Variants in TRPS1 observed in about 807,000 individuals in gnomAD.
The protein encoded by TRPS1 is transcriptional repressor GATA binding 1, also known as zinc finger transcription factor Trps1.
In TRPS1, 6 loss-of-function variants were observed where a neutral mutation model predicts 101.2. The ratio of observed to expected loss-of-function variants is 0.06; its 90% CI spans 0.03 to 0.12. TRPS1 has a LOEUF of 0.12. Among genes scored for constraint, TRPS1 ranks in the 10% least tolerant of loss-of-function variants. The pLI is 1.00. For missense variants in TRPS1, 1,363 were observed against 1,567.0 expected, an observed-to-expected ratio of 0.87 and a Z score of 2.20; for synonymous variants, 578 against 589.8, an observed-to-expected ratio of 0.98 and a Z score of 0.29.
chr8:115,432,892 CT>C (rs1371509514), intron 5 of TRPS1, among the ~76,000 whole-genome samples: 144 of 146,236 alleles, frequency 9.8e-4, no homozygotes, highest in Non-Finnish European at 1.5e-3. Context: ...TTGAACTTGA[CT>C]TTTTTTTTTT....
chr8:115,533,438 T>TTTTTTTTTTTTG (rs1816191039), intron 5 of TRPS1, among the ~76,000 whole-genome samples: 1 of 118,418 alleles, frequency 8.4e-6, no homozygotes, highest in Admixed American at 8.2e-5. Context: ...TGTAATCTGT[T>TTTTTTTTTTTTG]TTTTTTTTTT....
intron 5 of TRPS1, among the ~76,000 whole-genome samples, chr8:115,527,793 T>C (rs907406157): frequency 6.6e-6 from 1 of 152,098 alleles, no homozygotes; most frequent in African/African-American, 2.4e-5. Flanking sequence ...ATTCTGGTAT[T>C]ACACTTCAGC....
At chr8:115,587,918 A>C (rs1473667316) in intron 4 of TRPS1, among the ~76,000 whole-genome samples, 1 of 152,336 alleles carries the variant, frequency 6.6e-6, no homozygotes, top group African/African-American at 2.4e-5. Context: ...GGTGATTAGC[A>C]TTAAAACTGG....
intron 5 of TRPS1, among the ~76,000 whole-genome samples, chr8:115,563,609 T>C (rs768726956): frequency 3.3e-5 from 5 of 152,070 alleles, no homozygotes; most frequent in Admixed American, 6.6e-5. Flanking sequence ...ATATGGAAAA[T>C]CTATGACTTC....
rs770273588 is a variant in TRPS1 at position 115,582,309 on chromosome 8, T to C, written c.2700+4692A>G. ...TCTTCTGTCAGTGGTTGTAAAGGCA[T>C]TCAACATTGTCACTTGTTTAAACGT... On this transcript the variant is annotated intron_variant, in intron 5 of 6. Transcript: ENST00000395715. Among the ~76,000 whole-genome samples the C allele has an allele frequency of 4.2e-4, 64 of 152,268 alleles. 1 individual carries two copies. Among genetic ancestry groups the C allele is most frequent in the Non-Finnish European group, 6.5e-4 (44 of 68,020 alleles).
intron 1 of TRPS1, among the ~76,000 whole-genome samples, chr8:115,626,471 T>C (rs1205868343): frequency 6.6e-6 from 1 of 151,746 alleles, no homozygotes; most frequent in African/African-American, 2.4e-5. Context: ...GGTAGATCGC[T>C]TTTTTTATAA....
chr8:115,436,206 C>A (rs1473918025), intron 5 of TRPS1, among the ~76,000 whole-genome samples: 1 of 152,138 alleles, frequency 6.6e-6, no homozygotes. Flanking sequence ...AACTGAAAAT[C>A]TGGGAAAAAC....
chr8:115,668,486 G>GC (rs978130306), intron 1 of TRPS1, 59 bp downstream of exon 1: 1 of 144,258 alleles, frequency 6.9e-6, no homozygotes, highest in African/African-American at 2.5e-5. Context: ...GGGCGCCCGC[G>GC]CCCCCCGCGC....
At position 115,604,450 on chromosome 8, in the gene TRPS1, T is replaced by A; in HGVS notation, c.1519A>T (p.Thr507Ser). The A allele has an allele frequency of 6.2e-7, 1 of 1,614,064 alleles. No homozygotes were observed. ...NDLAKSSEGE[T>S]MTKTDKSSSG... ...GAGCTCTTGTCTGTCTTGGTCATTGTCTCTCCTTCTGAACTTTTGGCTAGA... is the reference window on the plus strand; with the variant it reads ...GAGCTCTTGTCTGTCTTGGTCATTGACTCTCCTTCTGAACTTTTGGCTAGA... The change falls in exon 4 of 7, where the codon ACA (threonine) becomes TCA (serine). Residue 507 changes from threonine to serine, a missense_variant. This residue lies in a region of TRPS1 where 1,020 missense variants were observed against 1,073.0 expected (regional missense o/e 0.95). Coordinates refer to ENST00000395715, the MANE Select transcript of TRPS1 (RefSeq NM_014112.5). The surrounding 1 kb of genome is among the most constrained non-coding windows in gnomAD (Gnocchi z 4.1).
At chr8:115,514,964 G>C (rs529778619) in intron 5 of TRPS1, among the ~76,000 whole-genome samples, 2 of 151,584 alleles carry the variant, frequency 1.3e-5, no homozygotes, top group East Asian at 3.9e-4. Flanking sequence ...TGTTTTTCCA[G>C]TATGACAAAG....
At chr8:115,466,428 G>A (rs1814320808) in intron 5 of TRPS1, among the ~76,000 whole-genome samples, 1 of 152,156 alleles carries the variant, frequency 6.6e-6, no homozygotes, top group Admixed American at 6.6e-5. Context: ...TTCCCTAAAT[G>A]TAGAGAGAGC....
At chr8:115,636,902 ACT>A (rs1222478201) in intron 1 of TRPS1, among the ~76,000 whole-genome samples, 8 of 149,560 alleles carry the variant, frequency 5.3e-5, no homozygotes, top group Non-Finnish European at 8.8e-5. Flanking sequence ...ACAGAGTGAG[ACT>A]CTATCTAAAA....
intron 5 of TRPS1, among the ~76,000 whole-genome samples, chr8:115,452,430 A>G (rs563637993): frequency 1.2e-4 from 19 of 152,208 alleles, no homozygotes; most frequent in Non-Finnish European, 1.5e-5. Flanking sequence ...AACAAAAAAA[A>G]ATATATTATG....
chr8:115,570,373 C>A (rs965663095), intron 5 of TRPS1, among the ~76,000 whole-genome samples: 4 of 151,972 alleles, frequency 2.6e-5, no homozygotes, highest in Non-Finnish European at 5.9e-5. Context: ...ACGGCAGTCT[C>A]ATACAGCAAA....
chr8:115,618,344 C>A (rs770325600), intron 3 of TRPS1, among the ~76,000 whole-genome samples: 1 of 152,110 alleles, frequency 6.6e-6, no homozygotes, highest in Non-Finnish European at 1.5e-5. Flanking sequence ...AGACTCAGTT[C>A]CATGTTTCGT....
At chr8:115,569,353 A>G (rs538354036) in intron 5 of TRPS1, among the ~76,000 whole-genome samples, 1 of 152,200 alleles carries the variant, frequency 6.6e-6, no homozygotes, top group East Asian at 1.9e-4. Flanking sequence ...TACTTCCACT[A>G]ATTTGCTAAA....
At chr8:115,424,955 C>T (rs1355528969) in intron 5 of TRPS1, among the ~76,000 whole-genome samples, 1 of 152,148 alleles carries the variant, frequency 6.6e-6, no homozygotes, top group East Asian at 1.9e-4. Context: ...GGCCATGTCC[C>T]TCCCCTCTTC....
chr8:115,638,372 C>G (rs1818817356), intron 1 of TRPS1, among the ~76,000 whole-genome samples: 2 of 152,120 alleles, frequency 1.3e-5, no homozygotes, highest in Non-Finnish European at 2.9e-5. Context: ...TCCTTTAAGA[C>G]TCTGCAGTGG....
intron 5 of TRPS1, among the ~76,000 whole-genome samples, chr8:115,537,618 TA>T (rs903029738): frequency 4.0e-5 from 6 of 148,984 alleles, no homozygotes; most frequent in African/African-American, 5.2e-5. Flanking sequence ...TAGTCTCCTA[TA>T]AAAAAAAGAC....
Sources: allele counts gnomAD v4.1 joint callset (sites outside exome capture counted in the v4.1 genomes callset), GRCh38; gene constraint gnomAD v4.1.1; regional missense constraint gnomAD v4.1.1; non-coding constraint Gnocchi (gnomAD v3.1); transcripts MANE v1.5; gene names NCBI Gene and HGNC (gene_info 2026-07-23, HGNC 2026-07-21).